FMNL1: variants seen among roughly 807,000 people sequenced by gnomAD.
The protein encoded by FMNL1 is formin like 1.
A neutral mutation model predicts 121.3 loss-of-function variants in FMNL1; 43 were observed. The observed-to-expected ratio is 0.35, with a 90% CI of 0.28 to 0.46. The LOEUF is 0.46. Ranked by LOEUF, FMNL1 falls within the 20% of genes least tolerant of loss-of-function variation. FMNL1 has a pLI of 1.00. For missense variants in FMNL1, 1,191 were observed against 1,482.4 expected (o/e 0.80, Z 3.23); for synonymous variants, 613 against 613.5 (o/e 1.00, Z 0.01).
intron 1 of FMNL1, among the ~76,000 whole-genome samples, chr17:45,228,927 C>T (rs2043383807): frequency 6.6e-6 from 1 of 152,214 alleles, no homozygotes; most frequent in Admixed American, 6.5e-5. Context: ...CCACCTTAGC[C>T]CTGCCCCACC....
chr17:45,246,074 C>G, intron 24 of FMNL1, 101 bp downstream of exon 24: 1 of 1,524,648 alleles, frequency 6.6e-7, no homozygotes, highest in Non-Finnish European at 8.8e-7. Flanking sequence ...CAGACTGACC[C>G]TGCCCCAGGA....
At chr17:45,223,709 A>T (rs1051312049) in intron 1 of FMNL1, among the ~76,000 whole-genome samples, 2 of 152,108 alleles carry the variant, frequency 1.3e-5, no homozygotes, top group African/African-American at 4.8e-5. Context: ...GAGAGCCTGC[A>T]TTGGTGGTGG....
At chr17:45,238,219 T>G in intron 9 of FMNL1, 1 of 242,556 alleles carries the variant, frequency 4.1e-6, no homozygotes, top group East Asian at 9.0e-5. Context: ...GGAGGGGGAA[T>G]TGGTTGCAGG....
Position 45,233,003 on chromosome 17 carries a change from G to T in FMNL1, c.328-221G>T. ...TATACCTTGTGTGCCCATGTATCGGGGGTGTGTGTACCCTGCTTGTCTATG... is the reference window on the plus strand; with the variant it reads ...TATACCTTGTGTGCCCATGTATCGGTGGTGTGTGTACCCTGCTTGTCTATG... On this transcript the variant is annotated intron_variant, in intron 3 of 26. Coordinates refer to ENST00000331495, the MANE Select transcript of FMNL1 (RefSeq NM_005892.4). The surrounding 1 kb of genome is among the most constrained non-coding windows in gnomAD (Gnocchi z 4.1). The T allele has an allele frequency of 1.5e-6, 1 of 659,116 alleles. No individual in the cohort carries two copies. Among genetic ancestry groups the T allele is most frequent in the Non-Finnish European group, 2.8e-6 (1 of 357,090 alleles). The allele number at this position is 659,116 out of a possible 1,614,324, so 40.8% of individuals were successfully genotyped here. A position where few individuals can be genotyped will look rare whatever the true frequency, so the allele number is the denominator to read the frequency against.
rs766924284 is a variant in FMNL1, at chr17:45,241,621, C to T, written c.1572C>T (p.Gly524=). The T allele has an allele frequency of 6.6e-7, 1 of 1,516,710 alleles. No homozygotes were observed. The highest frequency in any genetic ancestry group is 8.9e-7 in the Non-Finnish European group (1 of 1,129,744). The allele number at this position is 1,516,710 out of a possible 1,614,324, so 94.0% of individuals were successfully genotyped here. The change falls in exon 14 of 27, where the codon GGC becomes GGT. Residue 524 remains glycine, a synonymous_variant. Transcript: ENST00000331495. The surrounding 1 kb of genome is among the most constrained non-coding windows in gnomAD (Gnocchi z 7.0). ...CTCCGACTCCGGGGGTGCCGACCGG[C>T]TCCCCCAGCCCAGGTGCGCAGGAGC... ...GDAPTPGVPT[G]SPSPDLAPAA... is the part of the protein sequence containing the mutation.
intron 12 of FMNL1, 133 bp downstream of exon 12, chr17:45,240,758 C>A: frequency 7.6e-7 from 1 of 1,309,786 alleles, no homozygotes. Flanking sequence ...GCCTGCCTGG[C>A]CCCAGAGCCT....
At chr17:45,226,032 C>T (rs1368484381) in intron 1 of FMNL1, among the ~76,000 whole-genome samples, 1 of 152,142 alleles carries the variant, frequency 6.6e-6, no homozygotes, top group East Asian at 1.9e-4. Flanking sequence ...GGAGCCCAGA[C>T]CCTGCCTGTC....
At chr17:45,240,841 C>T in intron 12 of FMNL1, 1 of 765,056 alleles carries the variant, frequency 1.3e-6, no homozygotes, top group African/African-American at 1.8e-5. Context: ...CACTGACAGG[C>T]CCCTCCTCTA....
Position 45,222,272 on chromosome 17 carries a change from C to T in FMNL1, c.129+19C>T. ...CGCCCTGGTGAGTGCGACCCGGAGG[C>T]GGGTCGGGCGCGGGCGGGGGGCGGC... On this transcript the variant is annotated intron_variant, in intron 1 of 26. Transcript: ENST00000331495. The T allele has an allele frequency of 2.6e-6, 3 of 1,168,164 alleles. No homozygotes were observed. Among genetic ancestry groups the T allele is most frequent in the Non-Finnish European group, 3.2e-6 (3 of 945,794 alleles). 72.4% of individuals were successfully genotyped at this position (1,168,164 alleles called of 1,614,324 possible).
intron 11 of FMNL1, 40 bp downstream of exon 11, chr17:45,239,105 A>G (rs562971280): frequency 2.6e-6 from 4 of 1,524,806 alleles, no homozygotes; most frequent in Admixed American, 1.7e-5. Context: ...CTGCCTGCCC[A>G]CGGCAGAGTA....
intron 3 of FMNL1, 54 bp downstream of exon 3, chr17:45,232,534 G>A: frequency 6.5e-7 from 1 of 1,549,256 alleles, no homozygotes; most frequent in African/African-American, 1.4e-5. Flanking sequence ...TCCAAGCTCT[G>A]GGCAGCTGGA....
Position 45,240,580 on chromosome 17 carries a change from C to A in FMNL1, c.1185C>A (p.Asn395Lys). ...TGCTGGAGGACACAGAGACCAAGAACGCTGTGCTGGAGCACATGGAGGAAC... is the reference window on the plus strand; with the variant it reads ...TGCTGGAGGACACAGAGACCAAGAAAGCTGTGCTGGAGCACATGGAGGAAC... The part of the protein sequence containing the change: ...GALLEDTETK[N>K]AVLEHMEELQ... Residue 395 changes from asparagine to lysine, a missense_variant, in exon 12 of 27, where the codon AAC becomes AAA. Transcript: ENST00000331495. 1 of 1,613,930 alleles carries A rather than the reference C, an allele frequency of 6.2e-7. No homozygotes were observed. The highest frequency in any genetic ancestry group is 1.1e-5 in the South Asian group (1 of 91,070).
chr17:45,242,654 G>T (rs944075257), intron 16 of FMNL1, among the ~76,000 whole-genome samples, 189 bp downstream of exon 16: 1 of 152,192 alleles, frequency 6.6e-6, no homozygotes, highest in South Asian at 2.1e-4. Context: ...TTTCCCAAAC[G>T]CCTTCCCCTC....
At position 45,222,251 on chromosome 17, in the gene FMNL1, C is replaced by A; in HGVS notation, c.127C>A (p.Leu43Met). 1.7e-6 allele frequency: 2 copies of A among 1,201,228 alleles called. No individual in the cohort carries two copies. The highest frequency in any genetic ancestry group is 4.5e-5 in the Admixed American group (1 of 22,214). The allele number at this position is 1,201,228 out of a possible 1,614,324, so 74.4% of individuals were successfully genotyped here. A position where few individuals can be genotyped will look rare whatever the true frequency, so the allele number is the denominator to read the frequency against. ...GELEERFNRA[L>M]NCMNLPPDKV... ...GCTGGAGGAGAGGTTCAACCGCGCC[C>A]TGGTGAGTGCGACCCGGAGGCGGGT... Residue 43 changes from leucine to methionine, a missense_variant and splice_region_variant, in exon 1 of 27, where the codon CTG becomes ATG. This residue lies in a region of FMNL1 where 253 missense variants were observed against 417.5 expected (regional missense o/e 0.61). Transcript: ENST00000331495.
chr17:45,236,050 T>A, intron 6 of FMNL1, 86 bp from the exon 7 acceptor site: 1 of 1,122,634 alleles, frequency 8.9e-7, no homozygotes, highest in Non-Finnish European at 1.3e-6. Flanking sequence ...CAGATGTGCC[T>A]CCTCTTACCC....
rs1218185892 is a variant in FMNL1 at position 45,247,050 on chromosome 17, G to C, written c.*192G>C. 4.7e-6 allele frequency: 3 copies of C among 635,382 alleles called. No individual in the cohort carries two copies. The African/African-American group carries it at 5.4e-5, about 11-fold the overall frequency. 39.4% of individuals were successfully genotyped at this position (635,382 alleles called of 1,614,324 possible). A position where few individuals can be genotyped will look rare whatever the true frequency, so the allele number is the denominator to read the frequency against. ...GCTCAAGGAAGGTGGTCCTCAGCTC[G>C]GCTGGCCGGGCAGCCCCTCCTCCGC... On this transcript the variant is annotated 3_prime_UTR_variant, in exon 27 of 27. Coordinates refer to ENST00000331495, the MANE Select transcript of FMNL1 (RefSeq NM_005892.4).
Position 45,241,104 on chromosome 17 carries a change from G to T in FMNL1, c.1231-25G>T. The T allele has an allele frequency of 6.2e-7, 1 of 1,613,286 alleles. No individual in the cohort carries two copies. Among genetic ancestry groups the T allele is most frequent in the Non-Finnish European group, 8.5e-7 (1 of 1,179,770 alleles). ...GTGCCAGTGCCGGGCTGCGGGTCGG[G>T]GCTCACCATGTGCTGGTGCTACAGC... On this transcript the variant is annotated intron_variant, in intron 12 of 26. Coordinates refer to ENST00000331495, the MANE Select transcript of FMNL1 (RefSeq NM_005892.4). This position sits in a 1 kb window ranked among gnomAD's most constrained non-coding sequence, Gnocchi z 7.0.
Position 45,243,181 on chromosome 17 carries a change from C to G in FMNL1, c.2074C>G (p.Leu692Val). Residue 692 changes from leucine (L) to valine (V), a missense_variant, in exon 17 of 27, where the codon CTC becomes GTC. Physicochemically the swap from Leu to Val is conservative, Grantham distance 32 (BLOSUM62 1). This residue lies in a region of FMNL1 where 519 missense variants were observed against 492.8 expected (regional missense o/e 1.05). Transcript: ENST00000331495. Reference sequence around the variant, plus strand: ...CAAGTCCCAAGGCCCCAGCCTGGACCTCAGCGCTCTCAAGAGTAAGGCAGC... The same window carrying G: ...CAAGTCCCAAGGCCCCAGCCTGGACGTCAGCGCTCTCAAGAGTAAGGCAGC... ...KTKSQGPSLD[L>V]SALKSKAAQK... The G allele has an allele frequency of 6.2e-7, 1 of 1,614,258 alleles. No homozygotes were observed. The highest frequency in any genetic ancestry group is 8.5e-7 in the Non-Finnish European group (1 of 1,180,046).
At chr17:45,222,319 C>G (rs958854775) in intron 1 of FMNL1, 66 bp downstream of exon 1, 1 of 1,103,122 alleles carries the variant, frequency 9.1e-7, no homozygotes, top group Non-Finnish European at 1.1e-6. Context: ...AGGGGCTGGG[C>G]GCGCGTCCCC....
Sources: gnomAD v4.1 joint callset for allele counts (sites outside exome capture counted in the v4.1 genomes callset) on GRCh38, gnomAD v4.1.1 for gene constraint, gnomAD v4.1.1 regional missense constraint, Gnocchi (gnomAD v3.1) non-coding constraint, MANE v1.5 for transcripts, NCBI Gene and HGNC (gene_info 2026-07-23, HGNC 2026-07-21) for gene names.